The following PIWIL3 variants were observed in gnomAD, a reference collection of about 807,000 sequenced individuals.
PIWIL3 encodes piwi like RNA-mediated gene silencing 3, also known as piwi-like protein 3.
In PIWIL3, 101 loss-of-function variants were observed where a neutral mutation model predicts 109.7. The ratio of observed to expected loss-of-function variants is 0.92; its 90% CI spans 0.78 to 1.09. PIWIL3 has a LOEUF of 1.09. PIWIL3 is among the 50% of genes least tolerant of loss of function. PIWIL3 has a pLI of 0.00. For synonymous variants in PIWIL3, 373 were observed against 376.4 expected (o/e 0.99, Z 0.10); for missense variants, 1,031 against 1,072.6 (o/e 0.96, Z 0.54).
At chr22:24,754,708 A>G (rs1469327363) in intron 7 of PIWIL3, 76 bp downstream of exon 7, 4 of 1,231,198 alleles carry the variant, frequency 3.2e-6, no homozygotes, top group Non-Finnish European at 4.8e-6. Context: ...ACCACTTCAA[A>G]TATGAAATGA....
rs777339115 is a variant in PIWIL3 at position 24,724,965 on chromosome 22, C to A, written c.2153G>T (p.Gly718Val). Residue 718 changes from glycine (G) to valine (V), a missense_variant, in exon 18 of 21, where the codon GGA becomes GTA. Transcript: ENST00000616349. ...AAGCAATGCTTGAAGCTGACCATCT[C>A]CCACTCCATCCCGATACACAATAAC... is the stretch of plus-strand genomic sequence containing the variant. ...HSVIVYRDGV[G>V]DGQLQALLDH... is the part of the protein sequence containing the mutation. The A allele has an allele frequency of 3.1e-6, 5 of 1,614,174 alleles. No homozygotes were observed. The highest frequency in any genetic ancestry group is 4.2e-6 in the Non-Finnish European group (5 of 1,180,026).
intron 19 of PIWIL3, among the ~76,000 whole-genome samples, chr22:24,720,290 T>A (rs954171878): frequency 1.0e-3 from 130 of 124,924 alleles, no homozygotes; most frequent in Non-Finnish European, 1.7e-3. Flanking sequence ...TTTTTTTTTT[T>A]AGACGGAGTC....
At chr22:24,769,501 A>G (rs5760633) in intron 1 of PIWIL3, among the ~76,000 whole-genome samples, 62,132 of 151,960 alleles carry the variant, frequency 0.41, 13,094 homozygotes, top group East Asian at 0.58. Context: ...AGTCCCAGCT[A>G]CTTGGGAGGC....
At chr22:24,720,257 C>CTTT (rs1922584555) in intron 19 of PIWIL3, among the ~76,000 whole-genome samples, 1 of 79,626 alleles carries the variant, frequency 1.3e-5, no homozygotes, top group African/African-American at 6.6e-5. Flanking sequence ...TATATTTAAA[C>CTTT]TGTTTTTTTT....
chr22:24,762,488 C>T lies in PIWIL3; in HGVS notation c.12G>A (p.Arg4=), dbSNP rs1346345023. MPG[R]ARTRARGRAR... ...CTCTGCCTCGGGCGCGAGTCCTTGC[C>T]CTACCAGGCATTGTGGTCCTGAAGG... The change falls in exon 2 of 21, where the codon AGG becomes AGA. Residue 4 remains arginine, a synonymous_variant. Transcript: ENST00000616349. 1.2e-6 allele frequency: 2 copies of T among 1,612,924 alleles called. No homozygotes were observed. The highest frequency in any genetic ancestry group is 1.7e-4 in the Middle Eastern group (1 of 6,048).
At chr22:24,764,669 T>TGTGTG (rs1244151941) in intron 1 of PIWIL3, among the ~76,000 whole-genome samples, 58 of 145,924 alleles carry the variant, frequency 4.0e-4, no homozygotes, top group South Asian at 8.7e-4. Context: ...TGTGTGTGTG[T>TGTGTG]TGAGACAGGA....
chr22:24,726,427 C>G (rs1026686065), intron 16 of PIWIL3, among the ~76,000 whole-genome samples: 2 of 151,982 alleles, frequency 1.3e-5, no homozygotes, highest in Non-Finnish European at 2.9e-5. Flanking sequence ...GGACTACAGG[C>G]GCCCACCACC....
At chr22:24,761,286 A>G (rs1925423308) in intron 2 of PIWIL3, among the ~76,000 whole-genome samples, 1 of 152,134 alleles carries the variant, frequency 6.6e-6, no homozygotes, top group African/African-American at 2.4e-5. Flanking sequence ...GGTCTTGGCA[A>G]TATCAAGAGG....
At chr22:24,732,109 G>A (rs951113533) in intron 14 of PIWIL3, among the ~76,000 whole-genome samples, 3 of 152,120 alleles carry the variant, frequency 2.0e-5, no homozygotes, top group Non-Finnish European at 4.4e-5. Context: ...CATTTATGAA[G>A]TTCACATTTT....
Position 24,756,518 on chromosome 22 carries a change from T to C in PIWIL3, c.543A>G (p.Leu181=), listed in dbSNP as rs781432251. The stretch of plus-strand genomic sequence containing the variant: ...GCTCTTTTAGTGGCCGAGATAATAA[T>C]AAAGAGTTTCCATCAAATATATGGC... ...GERHIFDGNS[L]LLSRPLKERR... is the part of the protein sequence containing the mutation. The change falls in exon 5 of 21, where the codon TTA becomes TTG. Residue 181 remains leucine, a synonymous_variant. Transcript: ENST00000616349. 6.2e-7 allele frequency: 1 copy of C among 1,613,998 alleles called. No individual in the cohort carries two copies. Among genetic ancestry groups the C allele is most frequent in the Non-Finnish European group, 8.5e-7 (1 of 1,179,920 alleles).
At chr22:24,742,561 C>T (rs1924073542) in intron 12 of PIWIL3, among the ~76,000 whole-genome samples, 2 of 152,132 alleles carry the variant, frequency 1.3e-5, no homozygotes, top group South Asian at 2.1e-4. Context: ...GGCACATAGA[C>T]CAATGGAACA....
At chr22:24,773,176 G>A (rs747578136) in intron 1 of PIWIL3, among the ~76,000 whole-genome samples, 9 of 152,090 alleles carry the variant, frequency 5.9e-5, no homozygotes, top group Non-Finnish European at 7.4e-5. Flanking sequence ...CTCTGACACC[G>A]GATCCTAGGG....
intron 12 of PIWIL3, among the ~76,000 whole-genome samples, chr22:24,741,898 G>A (rs1924030084): frequency 6.6e-6 from 1 of 151,066 alleles, no homozygotes; most frequent in African/African-American, 2.4e-5. Flanking sequence ...GTCCTAGCCA[G>A]AGCAATCAGA....
rs1925481634 is a variant in PIWIL3, at chr22:24,762,263, G to A, written c.102+135C>T. 41 of 1,376,862 alleles carry A rather than the reference G, an allele frequency of 3.0e-5. No homozygotes were observed. In the South Asian group the frequency reaches 6.8e-4, roughly 23 times the overall value. The allele number at this position is 1,376,862 out of a possible 1,614,324, so 85.3% of individuals were successfully genotyped here. Reference sequence around the variant, plus strand: ...CCCCATGCTGCCATCTATACAGCCTGACTTTTCTTATGAACTTTTATTAGT... The same window carrying A: ...CCCCATGCTGCCATCTATACAGCCTAACTTTTCTTATGAACTTTTATTAGT... On this transcript the variant is annotated intron_variant, in intron 2 of 20. Coordinates refer to ENST00000616349, the MANE Select transcript of PIWIL3 (RefSeq NM_001255975.1).
intron 14 of PIWIL3, among the ~76,000 whole-genome samples, chr22:24,731,260 G>A (rs1410021511): frequency 6.6e-6 from 1 of 152,124 alleles, no homozygotes; most frequent in East Asian, 1.9e-4. Flanking sequence ...ACAAGCTAAG[G>A]GTAATCACCG....
intron 13 of PIWIL3, among the ~76,000 whole-genome samples, chr22:24,734,729 G>C (rs140038822): frequency 1.3e-5 from 2 of 152,012 alleles, no homozygotes; most frequent in Non-Finnish European, 2.9e-5. Flanking sequence ...TCCAGCAGGG[G>C]GAGGGGAAAA....
Position 24,740,218 on chromosome 22 carries a change from C to CAAAAAAAAAAAAAAAAAAAAAA in PIWIL3, c.1450-4327_1450-4326insTTTTTTTTTTTTTTTTTTTTTT, listed in dbSNP as rs71189272. Among the ~76,000 whole-genome samples, 23 of 63,886 alleles carry CAAAAAAAAAAAAAAAAAAAAAA rather than the reference C, an allele frequency of 3.6e-4. 1 individual carries two copies. The highest frequency in any genetic ancestry group is 1.3e-3 in the African/African-American group (22 of 16,418). The allele number at this position is 63,886 out of a possible 152,430, so 41.9% of individuals were successfully genotyped here. On this transcript the variant is annotated intron_variant, in intron 12 of 20. Transcript: ENST00000616349. ...CCTGGGCAACGGAGGGAGACTGTCT[C>CAAAAAAAAAAAAAAAAAAAAAA]AAAAAAAAAAAAAAAATTTCTAAAA...
At chr22:24,755,656 C>A (rs1924980893) in intron 6 of PIWIL3, 128 bp downstream of exon 6, 3 of 1,212,168 alleles carry the variant, frequency 2.5e-6, no homozygotes, top group Non-Finnish European at 3.5e-6. Context: ...TCTCCAAGAC[C>A]CTTCACTCTC....
chr22:24,754,027 T>C lies in PIWIL3; in HGVS notation c.964A>G (p.Ile322Val). The C allele has an allele frequency of 1.2e-6, 2 of 1,605,780 alleles. No individual in the cohort carries two copies. Among genetic ancestry groups the C allele is most frequent in the South Asian group, 1.1e-5 (1 of 90,882 alleles). ...EEVTNKLIGS[I>V]VLTKYNNKTY... Reference sequence around the variant, plus strand: ...AGACAGACTTACTTTGTCAGAACAATTGATCCAATTAATTTATTAGTTACT... The same window carrying C: ...AGACAGACTTACTTTGTCAGAACAACTGATCCAATTAATTTATTAGTTACT... Residue 322 changes from isoleucine (I) to valine (V), a missense_variant, in exon 8 of 21, where the codon ATT becomes GTT. Coordinates refer to ENST00000616349, the MANE Select transcript of PIWIL3 (RefSeq NM_001255975.1).
Sources: allele counts gnomAD v4.1 joint callset (sites outside exome capture counted in the v4.1 genomes callset), GRCh38; gene constraint gnomAD v4.1.1; transcripts MANE v1.5; gene names NCBI Gene and HGNC (gene_info 2026-07-23, HGNC 2026-07-21).